TOP3B: variants seen among roughly 807,000 people sequenced by gnomAD.
The protein encoded by TOP3B is DNA topoisomerase III beta.
A neutral mutation model predicts 93.9 loss-of-function variants in TOP3B; 45 were observed. That is an observed-to-expected ratio of 0.48 (90% CI 0.38 to 0.61). TOP3B has a LOEUF of 0.61. TOP3B is among the 20% of genes least tolerant of loss of function. The probability of loss-of-function intolerance (pLI) is 0.00; values close to 1 mark genes in which losing one functional copy is unlikely to be tolerated. For missense variants in TOP3B, 750 were observed against 1,156.1 expected (o/e 0.65, Z 5.09); for synonymous variants, 357 against 472.6 (o/e 0.76, Z 3.17).
chr22:21,982,112 G>C (rs961603491), intron 1 of TOP3B: 11 of 152,160 alleles, frequency 7.2e-5, no homozygotes, highest in African/African-American at 2.7e-4. Flanking sequence ...CCCAGGACTG[G>C]CTGGCCATCA....
At chr22:21,978,605 G>A (rs1028799439) in intron 1 of TOP3B, among the ~76,000 whole-genome samples, 8 of 152,116 alleles carry the variant, frequency 5.3e-5, no homozygotes, top group Non-Finnish European at 1.0e-4. Context: ...AGCAGGGTGA[G>A]TCAGGAGGGG....
rs2071324444 is a variant in TOP3B at position 21,964,246 on chromosome 22, C to T, written c.1013G>A (p.Arg338Gln). The T allele has an allele frequency of 2.5e-6, 4 of 1,614,014 alleles. No homozygotes were observed. Among genetic ancestry groups the T allele is most frequent in the Non-Finnish European group, 2.5e-6 (3 of 1,180,020 alleles). The change falls in exon 10 of 18, where the codon CGG becomes CAG. Residue 338 changes from arginine (R) to glutamine (Q), a missense_variant. Transcript: ENST00000357179. Reference protein sequence around the residue: ...LYTQGYISYPRTETTHYPENF... With the variant: ...LYTQGYISYPQTETTHYPENF... ...CTCAGGGTAGTGGGTGGTCTCTGTC[C>T]GTGGGTAGCTGATGTAGCCTTGCGT...
At chr22:21,977,616 GA>G (rs2071932233) in intron 1 of TOP3B, 1 of 150,102 alleles carries the variant, frequency 6.7e-6, no homozygotes, top group Admixed American at 6.6e-5. Flanking sequence ...ACTCGCAGAA[GA>G]AACTCAGAAC....
chr22:21,965,839 G>A (rs1296290761), intron 8 of TOP3B: 2 of 154,850 alleles, frequency 1.3e-5, no homozygotes, highest in Non-Finnish European at 2.9e-5. Context: ...AATCCAGCCT[G>A]GGTGACAGAG....
Position 21,958,513 on chromosome 22 carries a change from G to C in TOP3B, c.2086C>G (p.Pro696Ala). The C allele has an allele frequency of 1.2e-6, 2 of 1,614,080 alleles. No individual in the cohort carries two copies. Among genetic ancestry groups the C allele is most frequent in the Non-Finnish European group, 1.7e-6 (2 of 1,180,038 alleles). Residue 696 changes from proline (P) to alanine (A), a missense_variant, in exon 17 of 18, where the codon CCC becomes GCC. Around this residue, in one of 4 missense-constraint regions of TOP3B, gnomAD observed 737 missense variants for 933.7 expected, o/e 0.79. Coordinates refer to ENST00000357179, the MANE Select transcript of TOP3B (RefSeq NM_001282112.2). Reference protein sequence around the residue: ...PLCPYCYNHPPFRDMKKGMGC... With the variant: ...PLCPYCYNHPAFRDMKKGMGC... ...TCACCTTTCTTCATGTCTCGGAAGG[G>C]TGGGTGGTTGTAGCAGTAGGGGCAC...
In TOP3B at chr22:21,962,754, G is replaced by A. The variant is rs1486075934; in HGVS notation, c.1344C>T (p.Leu448=). The change falls in exon 12 of 18, where the codon CTC becomes CTT. Residue 448 remains leucine, a synonymous_variant. Coordinates refer to ENST00000357179, the MANE Select transcript of TOP3B (RefSeq NM_001282112.2). Reference sequence around the variant, plus strand: ...CTGGGCCCGTGGTGTGACCTGGTGAGAGGACGGTCTTCCCGGAGCAGGTGA... The same window carrying A: ...CTGGGCCCGTGGTGTGACCTGGTGAAAGGACGGTCTTCCCGGAGCAGGTGA... ...ELFTCSGKTV[L]SPGFTEVMPW... is the part of the protein sequence containing the mutation. 1 of 1,614,176 alleles carries A rather than the reference G, an allele frequency of 6.2e-7. No individual in the cohort carries two copies. The highest frequency in any genetic ancestry group is 2.2e-5 in the East Asian group (1 of 44,888).
At chr22:21,962,199 A>C in intron 13 of TOP3B, 1 of 1,467,058 alleles carries the variant, frequency 6.8e-7, no homozygotes, top group Non-Finnish European at 9.0e-7. Flanking sequence ...GCACGAGGGC[A>C]CATCTGGGCC....
intron 16 of TOP3B, 100 bp from the exon 17 acceptor site, chr22:21,958,793 CAG>C (rs1480012506): frequency 2.8e-6 from 4 of 1,444,252 alleles, no homozygotes; most frequent in Non-Finnish European, 2.7e-6. Context: ...ATCTGTCATG[CAG>C]AACCTGTGAC....
chr22:21,962,459 G>A lies in TOP3B; in HGVS notation c.1495C>T (p.Leu499Phe). The A allele has an allele frequency of 6.2e-7, 1 of 1,613,716 alleles. No homozygotes were observed. The highest frequency in any genetic ancestry group is 8.5e-7 in the Non-Finnish European group (1 of 1,180,020). ...CCATGCTTCTCCATGAGCGTGATGAGCTCGGCCTCCGTCAGGTAGTCGGGT... is the reference window on the plus strand; with the variant it reads ...CCATGCTTCTCCATGAGCGTGATGAACTCGGCCTCCGTCAGGTAGTCGGGT... The part of the protein sequence containing the change: ...NPPDYLTEAE[L>F]ITLMEKHGIG... The change falls in exon 13 of 18, where the codon CTC (leucine) becomes TTC (phenylalanine). Residue 499 changes from leucine (L) to phenylalanine (F), a missense_variant. This residue lies in a region of TOP3B where 737 missense variants were observed against 933.7 expected (regional missense o/e 0.79). Coordinates refer to ENST00000357179, the MANE Select transcript of TOP3B (RefSeq NM_001282112.2).
rs147090824 is a variant in TOP3B at position 21,964,161 on chromosome 22, C to G, written c.1098G>C (p.Thr366=). 6.2e-7 allele frequency: 1 copy of G among 1,614,000 alleles called. No homozygotes were observed. The highest frequency in any genetic ancestry group is 1.3e-5 in the African/African-American group (1 of 75,048). The change falls in exon 10 of 18, where the codon ACG becomes ACC. Residue 366 remains threonine, a splice_region_variant and synonymous_variant. Transcript: ENST00000357179. ...QQANHPYWAD[T]VKRLLAEGIN... ...CTGAGGCCGGCCCGGCTCCACTCAC[C>G]GTGTCGGCCCAGTAGGGGTGGTTGG...
intron 16 of TOP3B, 184 bp from the exon 17 acceptor site, chr22:21,958,877 C>G (rs1387631451): frequency 6.1e-6 from 7 of 1,141,554 alleles, no homozygotes; most frequent in Non-Finnish European, 8.4e-6. Flanking sequence ...TCTAAAATCT[C>G]TGTGTGTACA....
At chr22:21,972,174 A>G in intron 4 of TOP3B, 1 of 550,296 alleles carries the variant, frequency 1.8e-6, no homozygotes, top group Non-Finnish European at 3.2e-6. Flanking sequence ...AAAAAAGTAT[A>G]AATGCAACAT....
chr22:21,962,092 A>G, intron 13 of TOP3B: 1 of 1,250,722 alleles, frequency 8.0e-7, no homozygotes, highest in Non-Finnish European at 1.0e-6. Context: ...GGCTGTGTGG[A>G]CTCAGGGGAC....
At chr22:21,972,511 G>A in intron 4 of TOP3B, 101 bp downstream of exon 4, 1 of 923,052 alleles carries the variant, frequency 1.1e-6, no homozygotes, top group Non-Finnish European at 1.6e-6. Flanking sequence ...AGGCCCCCCT[G>A]TCCAAGGGGG....
intron 9 of TOP3B, chr22:21,964,761 CAG>C (rs768402973): frequency 5.0e-5 from 10 of 198,112 alleles, no homozygotes; most frequent in South Asian, 1.0e-4. Flanking sequence ...TGGGGCCACT[CAG>C]GGGGGCTCGT....
At chr22:21,958,230 A>T in intron 17 of TOP3B, 1 of 1,345,312 alleles carries the variant, frequency 7.4e-7, no homozygotes, top group East Asian at 3.2e-5. Context: ...TCAGCTCCAG[A>T]GGGAGCACTG....
In TOP3B at chr22:21,968,287, A is replaced by G. The variant is rs527913072; in HGVS notation, c.738+332T>C. ...TTTATTTGAAGAAAGGGTTCTAGGA[A>G]TTTTAAAAAGTTTGAAAGCCAATGG... On this transcript the variant is annotated intron_variant, in intron 7 of 17. Coordinates refer to ENST00000357179, the MANE Select transcript of TOP3B (RefSeq NM_001282112.2). The G allele has an allele frequency of 1.1e-5, 3 of 283,624 alleles. No individual in the cohort carries two copies. The East Asian group carries it at 2.0e-4, about 19-fold the overall frequency. 17.6% of individuals were successfully genotyped at this position (283,624 alleles called of 1,614,324 possible). A position where few individuals can be genotyped will look rare whatever the true frequency, so the allele number is the denominator to read the frequency against.
Position 21,962,129 on chromosome 22 carries a change from T to A in TOP3B, c.1525+300A>T, listed in dbSNP as rs1421737371. ...GCCAATATGATTTCTATGAGTCACC[T>A]GGCATCTGGGCCAATCTTCAGCCTT... On this transcript the variant is annotated intron_variant, in intron 13 of 17. Transcript: ENST00000357179. 3.0e-6 allele frequency: 4 copies of A among 1,339,126 alleles called. No homozygotes were observed. The East Asian group carries it at 1.3e-4, about 43-fold the overall frequency. The allele number at this position is 1,339,126 out of a possible 1,614,324, so 83.0% of individuals were successfully genotyped here.
At chr22:21,975,479 G>T (rs9610773) in intron 2 of TOP3B, 161 bp downstream of exon 2, 1 of 736,022 alleles carries the variant, frequency 1.4e-6, no homozygotes, top group East Asian at 3.1e-5. Flanking sequence ...GCCAGGAGTG[G>T]AAGCAAATGC....
Sources: gnomAD v4.1 joint callset for allele counts (sites outside exome capture counted in the v4.1 genomes callset) on GRCh38, gnomAD v4.1.1 for gene constraint, gnomAD v4.1.1 regional missense constraint, MANE v1.5 for transcripts, NCBI Gene and HGNC (gene_info 2026-07-23, HGNC 2026-07-21) for gene names.